GLIS3: variants seen among roughly 807,000 people sequenced by gnomAD.
GLIS3 encodes the protein GLIS family zinc finger 3.
GLIS3 carries 53 observed loss-of-function variants against 78.6 expected under a neutral mutation model. That is an observed-to-expected ratio of 0.67 (90% CI 0.54 to 0.85). The LOEUF is 0.85. GLIS3 is among the 40% of genes least tolerant of loss of function. GLIS3 has a pLI of 0.00. For missense variants in GLIS3, 1,703 were observed against 1,231.1 expected, an observed-to-expected ratio of 1.38 and a Z score of -5.74; for synonymous variants, 684 against 509.9, an observed-to-expected ratio of 1.34 and a Z score of -4.60.
chr9:4,460,121 G>A, the GLIS3 span, among the ~76,000 whole-genome samples: 1 of 152,124 alleles, frequency 6.6e-6, no homozygotes, highest in Non-Finnish European at 1.5e-5. Flanking sequence ...TGGCCATGAG[G>A]AAAGGCAATT....
At chr9:3,933,854 G>C (rs1035089011) in intron 5 of GLIS3, among the ~76,000 whole-genome samples, 1 of 151,896 alleles carries the variant, frequency 6.6e-6, no homozygotes. Flanking sequence ...TCCTTTTTTT[G>C]TGTCACTGGA....
intron 2 of GLIS3, among the ~76,000 whole-genome samples, chr9:4,327,905 G>A (rs1398767562): frequency 6.6e-6 from 1 of 152,204 alleles, no homozygotes; most frequent in Non-Finnish European, 1.5e-5. Flanking sequence ...CAGTTGAGCT[G>A]TCCAAGTTAA....
At chr9:4,017,709 A>C (rs939575573) in intron 4 of GLIS3, among the ~76,000 whole-genome samples, 6 of 152,192 alleles carry the variant, frequency 3.9e-5, no homozygotes, top group Admixed American at 2.6e-4. Flanking sequence ...CTGGTATCAG[A>C]GTGTTGGTAG....
chr9:4,174,635 C>T (rs1327744597), intron 2 of GLIS3, among the ~76,000 whole-genome samples: 1 of 152,168 alleles, frequency 6.6e-6, no homozygotes, highest in African/African-American at 2.4e-5. Flanking sequence ...GCTAAACAAG[C>T]AGATGCTAAG....
intron 4 of GLIS3, among the ~76,000 whole-genome samples, chr9:4,106,644 T>C (rs1242982399): frequency 1.3e-5 from 2 of 152,186 alleles, no homozygotes; most frequent in African/African-American, 4.8e-5. Flanking sequence ...ATTCAGAGAA[T>C]AGAAGAGCAT....
chr9:4,101,167 C>G lies in GLIS3; in HGVS notation c.1710+16601G>C, dbSNP rs574944802. ...ATGACCTTACATAAAATCACTTGAG[C>G]TGTTTCCTCGCCTTAAAATGGAAAT... On this transcript the variant is annotated intron_variant, in intron 4 of 10. Transcript: ENST00000381971. 2.6e-5 allele frequency among the ~76,000 whole-genome samples: 4 copies of G among 152,310 alleles called. No homozygotes were observed. In the East Asian group the frequency reaches 7.7e-4, roughly 29 times the overall value.
chr9:3,853,440 A>G (rs1425736573), intron 9 of GLIS3, among the ~76,000 whole-genome samples: 1 of 151,214 alleles, frequency 6.6e-6, no homozygotes, highest in Non-Finnish European at 1.5e-5. Context: ...CCTACTTTGC[A>G]CCAAGTATTA....
the GLIS3 span, among the ~76,000 whole-genome samples, chr9:4,467,080 G>A: frequency 1.3e-5 from 2 of 152,226 alleles, no homozygotes; most frequent in Non-Finnish European, 2.9e-5. Context: ...AGCGAGGCTG[G>A]GGGAGGGGCA....
At chr9:4,164,414 A>G (rs78747817) in intron 2 of GLIS3, among the ~76,000 whole-genome samples, 1 of 152,170 alleles carries the variant, frequency 6.6e-6, no homozygotes. Context: ...TGTTGTTGTG[A>G]TAAAGAGGAA....
intron 2 of GLIS3, among the ~76,000 whole-genome samples, chr9:4,236,328 C>T (rs1822751320): frequency 6.6e-6 from 1 of 152,004 alleles, no homozygotes; most frequent in Admixed American, 6.6e-5. Flanking sequence ...TACATCAGTA[C>T]GTCTCCTTCA....
chr9:3,995,926 CAA>C (rs980258192), intron 4 of GLIS3, among the ~76,000 whole-genome samples: 56 of 151,726 alleles, frequency 3.7e-4, no homozygotes, highest in African/African-American at 1.4e-3. Flanking sequence ...TTCCTGAATT[CAA>C]AAAGACACAA....
At chr9:4,026,471 TTTA>T (rs573092744) in intron 4 of GLIS3, among the ~76,000 whole-genome samples, 101 of 152,318 alleles carry the variant, frequency 6.6e-4, no homozygotes, top group Non-Finnish European at 1.1e-3. Flanking sequence ...TACTTTAAAC[TTTA>T]TTGTTCTCCA....
intron 2 of GLIS3, among the ~76,000 whole-genome samples, chr9:4,228,361 C>A (rs567316334): frequency 1.2e-4 from 19 of 152,050 alleles, no homozygotes; most frequent in African/African-American, 3.9e-4. Context: ...GCTGTCCATG[C>A]GAATGTAACA....
At chr9:4,373,812 T>A in the GLIS3 span, among the ~76,000 whole-genome samples, 1 of 151,902 alleles carries the variant, frequency 6.6e-6, no homozygotes, top group South Asian at 2.1e-4. Flanking sequence ...GGATTACAGA[T>A]GCGCACAACC....
chr9:4,030,358 A>G (rs901489982), intron 4 of GLIS3, among the ~76,000 whole-genome samples: 1 of 152,158 alleles, frequency 6.6e-6, no homozygotes, highest in African/African-American at 2.4e-5. Flanking sequence ...TCCCTTGTCA[A>G]ATGGGTAGTT....
intron 2 of GLIS3, among the ~76,000 whole-genome samples, chr9:4,194,845 G>T (rs1818662978): frequency 6.6e-6 from 1 of 152,212 alleles, no homozygotes; most frequent in Non-Finnish European, 1.5e-5. Flanking sequence ...TGAAGATGCT[G>T]TGAGGGAAAA....
At chr9:4,143,755 A>C (rs1833996151) in intron 2 of GLIS3, among the ~76,000 whole-genome samples, 1 of 152,026 alleles carries the variant, frequency 6.6e-6, no homozygotes, top group Non-Finnish European at 1.5e-5. Flanking sequence ...CCTGACAACC[A>C]CTATTCTACC....
chr9:4,060,720 C>G (rs1826577182), intron 4 of GLIS3, among the ~76,000 whole-genome samples: 1 of 152,212 alleles, frequency 6.6e-6, no homozygotes. Flanking sequence ...CCTTGAATTC[C>G]TCAGCTTCCA....
intron 2 of GLIS3, among the ~76,000 whole-genome samples, chr9:4,265,162 A>C (rs1417119441): frequency 7.3e-6 from 1 of 137,152 alleles, no homozygotes; most frequent in Non-Finnish European, 1.6e-5. Context: ...ACAGAGTGAG[A>C]CGCCGTCTCA....
Sources: allele counts gnomAD v4.1 joint callset (sites outside exome capture counted in the v4.1 genomes callset), GRCh38; gene constraint gnomAD v4.1.1; transcripts MANE v1.5; gene names NCBI Gene and HGNC (gene_info 2026-07-23, HGNC 2026-07-21).